Variants in GPC6 observed in about 807,000 individuals in gnomAD.
The protein encoded by GPC6 is glypican 6, also known as glypican-6.
A neutral mutation model predicts 55.2 loss-of-function variants in GPC6; 14 were observed. The ratio of observed to expected loss-of-function variants is 0.25; its 90% CI spans 0.17 to 0.40. GPC6 has a LOEUF of 0.40. GPC6 is among the 10% of genes least tolerant of loss of function. The pLI is 1.00. For synonymous variants in GPC6, 278 were observed against 259.6 expected (o/e 1.07, Z -0.68); for missense variants, 641 against 708.5 (o/e 0.90, Z 1.08).
chr13:94,388,770 C>G (rs1310139437), intron 7 of GPC6, among the ~76,000 whole-genome samples: 1 of 152,174 alleles, frequency 6.6e-6, no homozygotes, highest in African/African-American at 2.4e-5. Flanking sequence ...GTTCCTTTCT[C>G]TTATAAGGGA....
chr13:93,589,459 T>C (rs9584141), intron 2 of GPC6, among the ~76,000 whole-genome samples: 25,015 of 152,162 alleles, frequency 0.16, 5,148 homozygotes, highest in African/African-American at 0.49. Flanking sequence ...ATTTACTTGC[T>C]ATAAAATTCA....
chr13:93,723,422 C>T (rs1883520199), intron 2 of GPC6, among the ~76,000 whole-genome samples: 1 of 151,912 alleles, frequency 6.6e-6, no homozygotes. Context: ...CAACTCACTT[C>T]TAATGAAGGA....
intron 1 of GPC6, among the ~76,000 whole-genome samples, chr13:93,509,227 A>G (rs76398670): frequency 1.2e-3 from 179 of 152,352 alleles, no homozygotes; most frequent in African/African-American, 4.2e-3. Flanking sequence ...CAATGTAAAG[A>G]TTTATTGATG....
intron 1 of GPC6, among the ~76,000 whole-genome samples, chr13:93,525,681 G>A (rs1295281992): frequency 6.6e-6 from 1 of 152,074 alleles, no homozygotes; most frequent in Admixed American, 6.6e-5. Flanking sequence ...AAAGGCCTGG[G>A]ATGATGGTTG....
chr13:94,000,614 A>C (rs2140424233), intron 3 of GPC6, among the ~76,000 whole-genome samples: 1 of 152,320 alleles, frequency 6.6e-6, no homozygotes, highest in East Asian at 1.9e-4. Context: ...AGAAAGACTA[A>C]AAATAGGTGC....
chr13:93,349,204 C>A (rs190460516), intron 1 of GPC6, among the ~76,000 whole-genome samples: 34 of 152,268 alleles, frequency 2.2e-4, no homozygotes, highest in African/African-American at 7.5e-4. Context: ...TTCTTTGAAT[C>A]TTTTGCCAAA....
At chr13:93,852,181 T>C (rs1254875329) in intron 3 of GPC6, among the ~76,000 whole-genome samples, 2 of 151,794 alleles carry the variant, frequency 1.3e-5, no homozygotes, top group Non-Finnish European at 2.9e-5. Context: ...ATATCTACTC[T>C]AGTCTCATTA....
rs188765006 is a variant in GPC6 at position 93,406,619 on chromosome 13, G to A, written c.161-138644G>A. Among the ~76,000 whole-genome samples, 11 of 152,318 alleles carry A rather than the reference G, an allele frequency of 7.2e-5. No individual in the cohort carries two copies. In the East Asian group the frequency reaches 2.1e-3, roughly 29 times the overall value. On this transcript the variant is annotated intron_variant, in intron 1 of 8. Coordinates refer to ENST00000377047, the MANE Select transcript of GPC6 (RefSeq NM_005708.5). ...ACCACTGAATAACAAACTCACAGAA[G>A]TGAGACATGAATTAAGAATTACCAA...
At chr13:94,140,477 A>G (rs141665622) in intron 4 of GPC6, among the ~76,000 whole-genome samples, 1 of 152,336 alleles carries the variant, frequency 6.6e-6, no homozygotes. Context: ...TTTGTCTTCC[A>G]TGAATTGTGT....
chr13:93,283,512 A>G (rs928894702), intron 1 of GPC6, among the ~76,000 whole-genome samples: 10 of 152,308 alleles, frequency 6.6e-5, no homozygotes, highest in African/African-American at 2.2e-4. Context: ...ATCTAAACTC[A>G]TATGACAAAT....
chr13:93,744,728 G>A (rs1179075770), intron 2 of GPC6, among the ~76,000 whole-genome samples: 1 of 150,990 alleles, frequency 6.6e-6, no homozygotes, highest in South Asian at 2.1e-4. Context: ...TCACGAGTTC[G>A]AGACCAGACT....
At chr13:93,569,311 T>G (rs1876287133) in intron 2 of GPC6, among the ~76,000 whole-genome samples, 1 of 152,164 alleles carries the variant, frequency 6.6e-6, no homozygotes, top group African/African-American at 2.4e-5. Context: ...GTCATTTGGC[T>G]CTTGCACTTA....
At chr13:94,312,134 T>A (rs967975836) in intron 6 of GPC6, among the ~76,000 whole-genome samples, 2 of 152,220 alleles carry the variant, frequency 1.3e-5, no homozygotes, top group African/African-American at 4.8e-5. Context: ...CTTCCCTACT[T>A]GTCCCTATAA....
chr13:94,275,168 A>G (rs551078634), intron 4 of GPC6, among the ~76,000 whole-genome samples: 17 of 152,366 alleles, frequency 1.1e-4, no homozygotes, highest in African/African-American at 3.6e-4. Flanking sequence ...TTGGAAATAC[A>G]GCAGTAACCA....
chr13:93,475,511 T>C (rs1308606207), intron 1 of GPC6, among the ~76,000 whole-genome samples: 2 of 152,220 alleles, frequency 1.3e-5, no homozygotes, highest in Non-Finnish European at 2.9e-5. Context: ...TGAAACTGTA[T>C]ACAGGTGATG....
intron 2 of GPC6, among the ~76,000 whole-genome samples, chr13:93,772,567 G>A (rs370052482): frequency 1.9e-4 from 29 of 152,124 alleles, no homozygotes; most frequent in African/African-American, 6.5e-4. Context: ...AATATTAAAA[G>A]GCGATATATA....
chr13:94,105,183 C>T (rs906352383), intron 4 of GPC6, among the ~76,000 whole-genome samples: 4 of 152,072 alleles, frequency 2.6e-5, no homozygotes, highest in South Asian at 2.1e-4. Context: ...AGCAAGACCC[C>T]GTATCTACAA....
At chr13:94,166,359 A>G (rs1432387208) in intron 4 of GPC6, among the ~76,000 whole-genome samples, 1 of 152,214 alleles carries the variant, frequency 6.6e-6, no homozygotes, top group Admixed American at 6.5e-5. Flanking sequence ...TCCTGTTGCT[A>G]TGCCCTACTC....
In GPC6 at chr13:93,227,337, G is replaced by C. The variant is rs1250240255; in HGVS notation, c.-120G>C. ...GCTCGTCCCCTCGGCTGGCAGAAGG[G>C]GGTGACGCTGGGCAGCGGCGAGGAG... is the stretch of plus-strand genomic sequence containing the variant. On this transcript the variant is annotated 5_prime_UTR_variant, in exon 1 of 9. Coordinates refer to ENST00000377047, the MANE Select transcript of GPC6 (RefSeq NM_005708.5). The surrounding 1 kb of genome is among the most constrained non-coding windows in gnomAD (Gnocchi z 4.3). 2 of 944,160 alleles carry C rather than the reference G, an allele frequency of 2.1e-6. No homozygotes were observed. The highest frequency in any genetic ancestry group is 1.5e-5 in the South Asian group (1 of 64,804). The allele number at this position is 944,160 out of a possible 1,614,324, so 58.5% of individuals were successfully genotyped here. A position where few individuals can be genotyped will look rare whatever the true frequency, so the allele number is the denominator to read the frequency against.
Sources: gnomAD v4.1 joint callset for allele counts (sites outside exome capture counted in the v4.1 genomes callset) on GRCh38, gnomAD v4.1.1 for gene constraint, Gnocchi (gnomAD v3.1) non-coding constraint, MANE v1.5 for transcripts, NCBI Gene and HGNC (gene_info 2026-07-23, HGNC 2026-07-21) for gene names.